Variants in CACNA2D2 observed in about 807,000 individuals in gnomAD.
CACNA2D2 encodes the protein calcium voltage-gated channel auxiliary subunit alpha2delta 2, also known as voltage-dependent calcium channel subunit alpha-2/delta-2.
A neutral mutation model predicts 166.4 loss-of-function variants in CACNA2D2; 48 were observed. The ratio of observed to expected loss-of-function variants is 0.29; its 90% confidence interval spans 0.23 to 0.37. The LOEUF (loss-of-function observed/expected upper bound fraction) is 0.37. CACNA2D2 is among the 10% of genes least tolerant of loss of function. CACNA2D2 has a pLI of 1.00. For missense variants in CACNA2D2, 1,122 were observed against 1,433.0 expected (o/e 0.78, Z 3.50); for synonymous variants, 561 against 573.7 (o/e 0.98, Z 0.32).
Position 50,367,467 on chromosome 3 carries a change from C to T in CACNA2D2, c.2328G>A (p.Glu776=). ...GGCGGTAGAAGCTGGCATTGAAGGG[C>T]TCAGGGTTCTCTGTCCAGTCCTCAG... is the stretch of plus-strand genomic sequence containing the variant. ...KAAEDWTENP[E]PFNASFYRRS... The change falls in exon 27 of 38, where the codon GAG becomes GAA. Residue 776 remains glutamate, a synonymous_variant. Coordinates refer to ENST00000424201, the MANE Select transcript of CACNA2D2 (RefSeq NM_006030.4). This position sits in a 1 kb window ranked among gnomAD's most constrained non-coding sequence, Gnocchi z 6.5. The T allele has an allele frequency of 6.2e-7, 1 of 1,613,950 alleles. No homozygotes were observed. Among genetic ancestry groups the T allele is most frequent in the Non-Finnish European group, 8.5e-7 (1 of 1,180,010 alleles).
At chr3:50,401,976 G>T (rs1706471916) in intron 3 of CACNA2D2, among the ~76,000 whole-genome samples, 1 of 152,212 alleles carries the variant, frequency 6.6e-6, no homozygotes, top group Non-Finnish European at 1.5e-5. Flanking sequence ...GCCTCCCAAA[G>T]TGCTGGGATT....
intron 23 of CACNA2D2, 91 bp downstream of exon 23, chr3:50,370,229 G>A (rs1255964312): frequency 4.6e-6 from 4 of 878,948 alleles, no homozygotes; most frequent in Non-Finnish European, 7.5e-6. Flanking sequence ...ACAGGACACA[G>A]ACACACAGAG....
At chr3:50,493,739 A>T (rs1698611594) in intron 1 of CACNA2D2, among the ~76,000 whole-genome samples, 1 of 152,196 alleles carries the variant, frequency 6.6e-6, no homozygotes, top group African/African-American at 2.4e-5. Context: ...CTACTCCTCA[A>T]GGGCCCCATG....
At chr3:50,478,141 A>C (rs1308009097) in intron 1 of CACNA2D2, among the ~76,000 whole-genome samples, 3 of 152,088 alleles carry the variant, frequency 2.0e-5, no homozygotes, top group Admixed American at 2.0e-4. Flanking sequence ...TCCGCTCCCC[A>C]CCACAGGGGA....
intron 1 of CACNA2D2, among the ~76,000 whole-genome samples, chr3:50,479,245 T>C (rs1697939706): frequency 6.6e-6 from 1 of 152,140 alleles, no homozygotes; most frequent in Admixed American, 6.5e-5. Context: ...GACTCTGCTA[T>C]GGGCTGCAGG....
In CACNA2D2 at chr3:50,364,813, G is replaced by C; in HGVS notation, c.3292-7C>G. 2 of 1,612,526 alleles carry C rather than the reference G, an allele frequency of 1.2e-6. No individual in the cohort carries two copies. Among genetic ancestry groups the C allele is most frequent in the Non-Finnish European group, 1.7e-6 (2 of 1,179,640 alleles). ...CACAGTCTGAGGTATCTTCCTGCGG[G>C]GAGAGACAAGGAGCTGGTCGGCCTG... On this transcript the variant is annotated splice_polypyrimidine_tract_variant and splice_region_variant and intron_variant, in intron 37 of 37. Transcript: ENST00000424201.
At chr3:50,422,587 C>T (rs60273100) in intron 3 of CACNA2D2, among the ~76,000 whole-genome samples, 13,357 of 152,214 alleles carry the variant, frequency 0.088, 1,779 homozygotes, top group African/African-American at 0.29. Flanking sequence ...CTTTCAATAG[C>T]GATAGCCACA....
intron 3 of CACNA2D2, among the ~76,000 whole-genome samples, chr3:50,416,707 G>A (rs1419130902): frequency 6.6e-6 from 1 of 152,378 alleles, no homozygotes; most frequent in Middle Eastern, 3.4e-3. Flanking sequence ...CGGAGCCACA[G>A]TGTGGTCTCG....
intron 2 of CACNA2D2, among the ~76,000 whole-genome samples, chr3:50,473,116 T>G (rs1212655390): frequency 6.6e-6 from 1 of 152,098 alleles, no homozygotes; most frequent in Non-Finnish European, 1.5e-5. Context: ...CAAGGAGAGC[T>G]CCAGCTATGC....
intron 22 of CACNA2D2, among the ~76,000 whole-genome samples, chr3:50,371,183 G>A (rs1331078972): frequency 6.6e-6 from 1 of 152,108 alleles, no homozygotes; most frequent in African/African-American, 2.4e-5. Context: ...TAAGGGCGTG[G>A]AGACGGGCTG....
At chr3:50,496,995 GGATA>G (rs1332021555) in intron 1 of CACNA2D2, among the ~76,000 whole-genome samples, 2 of 152,172 alleles carry the variant, frequency 1.3e-5, no homozygotes, top group Admixed American at 6.5e-5. Context: ...TGGGAAAGAT[GGATA>G]CTGATCAGCA....
At position 50,376,039 on chromosome 3, in the gene CACNA2D2, T is replaced by C. The variant is rs587632370; in HGVS notation, c.1702-5A>G. 1 of 1,613,338 alleles carries C rather than the reference T, an allele frequency of 6.2e-7. No homozygotes were observed. The highest frequency in any genetic ancestry group is 8.5e-7 in the Non-Finnish European group (1 of 1,179,978). On this transcript the variant is annotated splice_polypyrimidine_tract_variant and splice_region_variant and intron_variant, in intron 18 of 37. Transcript: ENST00000424201. The surrounding 1 kb of genome is among the most constrained non-coding windows in gnomAD (Gnocchi z 4.3). ...AGGCTCCCGGAAGTTGGTGGTCTGTTGGAGGCAGGGTGGGAAGTCAGAAGT... is the reference window on the plus strand; with the variant it reads ...AGGCTCCCGGAAGTTGGTGGTCTGTCGGAGGCAGGGTGGGAAGTCAGAAGT...
At chr3:50,456,391 A>T (rs1271660425) in intron 2 of CACNA2D2, among the ~76,000 whole-genome samples, 1 of 152,202 alleles carries the variant, frequency 6.6e-6, no homozygotes, top group Non-Finnish European at 1.5e-5. Flanking sequence ...GAGTGGGTCT[A>T]TCACACAGAT....
chr3:50,368,106 G>A, intron 24 of CACNA2D2, 32 bp downstream of exon 24: 1 of 1,514,576 alleles, frequency 6.6e-7, no homozygotes, highest in Non-Finnish European at 9.2e-7. Flanking sequence ...CCTGGGCACT[G>A]CCCAGAGCCA....
At chr3:50,369,036 A>C (rs1278060773) in intron 23 of CACNA2D2, among the ~76,000 whole-genome samples, 1 of 152,148 alleles carries the variant, frequency 6.6e-6, no homozygotes, top group Admixed American at 6.5e-5. Context: ...CACTTCCCCA[A>C]GCTGTGGTAG....
At chr3:50,400,867 GTCTC>G (rs775312349) in intron 3 of CACNA2D2, among the ~76,000 whole-genome samples, 17 of 152,138 alleles carry the variant, frequency 1.1e-4, no homozygotes, top group African/African-American at 1.7e-4. Flanking sequence ...ATAAGACAAG[GTCTC>G]TCTATGTTGC....
At position 50,376,570 on chromosome 3, in the gene CACNA2D2, G is replaced by C. The variant is rs1193082470; in HGVS notation, c.1627-382C>G. ...TGCCCCTGATTTGTGCCTCCTCCTTGTCCCCACGTCAAGAGAGAGCAGCGG... is the reference window on the plus strand; with the variant it reads ...TGCCCCTGATTTGTGCCTCCTCCTTCTCCCCACGTCAAGAGAGAGCAGCGG... On this transcript the variant is annotated intron_variant, in intron 17 of 37. Transcript: ENST00000424201. This position sits in a 1 kb window ranked among gnomAD's most constrained non-coding sequence, Gnocchi z 4.3. 6.6e-6 allele frequency among the ~76,000 whole-genome samples: 1 copy of C among 152,124 alleles called. No homozygotes were observed.
rs200657324 is a variant in CACNA2D2 at position 50,366,242 on chromosome 3, C to T, written c.2709+25G>A. ...AGAAGGCTCAAATCCCTACTCTCTTCTTTCACTCTCTTCCTGATCCTCACC... is the reference window on the plus strand; with the variant it reads ...AGAAGGCTCAAATCCCTACTCTCTTTTTTCACTCTCTTCCTGATCCTCACC... On this transcript the variant is annotated intron_variant, in intron 31 of 37. Coordinates refer to ENST00000424201, the MANE Select transcript of CACNA2D2 (RefSeq NM_006030.4). The surrounding 1 kb of genome is among the most constrained non-coding windows in gnomAD (Gnocchi z 5.9). 14 of 1,614,054 alleles carry T rather than the reference C, an allele frequency of 8.7e-6. No homozygotes were observed. The Admixed American group carries it at 1.5e-4, about 17-fold the overall frequency.
chr3:50,416,486 G>C (rs1057001191), intron 3 of CACNA2D2, among the ~76,000 whole-genome samples: 1 of 152,200 alleles, frequency 6.6e-6, no homozygotes, highest in South Asian at 2.1e-4. Context: ...GCTCCACGGC[G>C]GGGTGACCCC....
Sources: allele counts gnomAD v4.1 joint callset (sites outside exome capture counted in the v4.1 genomes callset), GRCh38; gene constraint gnomAD v4.1.1; non-coding constraint Gnocchi (gnomAD v3.1); transcripts MANE v1.5; gene names NCBI Gene and HGNC (gene_info 2026-07-23, HGNC 2026-07-21).